The following CCDC141 variants were observed in gnomAD, a reference collection of about 807,000 sequenced individuals.
CCDC141 encodes the protein coiled-coil domain-containing protein 141.
A neutral mutation model predicts 181.0 loss-of-function variants in CCDC141; 168 were observed. The ratio of observed to expected loss-of-function variants is 0.93; its 90% CI spans 0.82 to 1.05. CCDC141 has a LOEUF of 1.05. CCDC141 is among the 50% of genes least tolerant of loss of function. The pLI is 0.00. For missense variants in CCDC141, 1,902 were observed against 1,788.5 expected, an observed-to-expected ratio of 1.06 and a Z score of -1.14; for synonymous variants, 666 against 642.3, an observed-to-expected ratio of 1.04 and a Z score of -0.56.
intron 5 of CCDC141, among the ~76,000 whole-genome samples, chr2:178,950,238 C>T (rs1689897598): frequency 6.6e-6 from 1 of 152,310 alleles, no homozygotes; most frequent in South Asian, 2.1e-4. Context: ...AAAACACACA[C>T]ATATACAGAA....
At chr2:178,934,222 A>C (rs1275539444) in intron 6 of CCDC141, among the ~76,000 whole-genome samples, 1 of 152,192 alleles carries the variant, frequency 6.6e-6, no homozygotes, top group African/African-American at 2.4e-5. Flanking sequence ...AAGCTATAGA[A>C]GTACAGATTG....
intron 2 of CCDC141, among the ~76,000 whole-genome samples, chr2:178,982,375 C>T (rs1320185453): frequency 6.6e-6 from 1 of 152,038 alleles, no homozygotes; most frequent in Non-Finnish European, 1.5e-5. Context: ...GAATAAAATA[C>T]CTAGGAATAC....
chr2:179,049,206 T>C (rs1016356515), intron 1 of CCDC141, among the ~76,000 whole-genome samples: 7 of 152,204 alleles, frequency 4.6e-5, no homozygotes, highest in African/African-American at 1.7e-4. Flanking sequence ...TTGTAAACCC[T>C]AAGTGGCTTC....
At chr2:178,865,245 C>T (rs900980494) in intron 17 of CCDC141, among the ~76,000 whole-genome samples, 1 of 152,160 alleles carries the variant, frequency 6.6e-6, no homozygotes, top group African/African-American at 2.4e-5. Context: ...TGAAACCAGC[C>T]ACTTGACCTC....
intron 16 of CCDC141, among the ~76,000 whole-genome samples, chr2:178,866,430 T>A (rs778674116): frequency 2.5e-4 from 38 of 152,320 alleles, no homozygotes; most frequent in Non-Finnish European, 4.9e-4. Context: ...ACTAATAAAA[T>A]AAACTCTTTA....
intron 2 of CCDC141, among the ~76,000 whole-genome samples, chr2:179,032,723 G>A (rs2043033612): frequency 6.6e-6 from 1 of 152,022 alleles, no homozygotes; most frequent in Admixed American, 6.6e-5. Flanking sequence ...GAGACAGGGT[G>A]GAGGATGATC....
rs1686912177 is a variant in CCDC141, at chr2:178,886,886, A to T, written c.1408-15T>A. 7.4e-7 allele frequency: 1 copy of T among 1,351,186 alleles called. No individual in the cohort carries two copies. Among genetic ancestry groups the T allele is most frequent in the African/African-American group, 1.5e-5 (1 of 65,704 alleles). The allele number at this position is 1,351,186 out of a possible 1,614,324, so 83.7% of individuals were successfully genotyped here. A position where few individuals can be genotyped will look rare whatever the true frequency, so the allele number is the denominator to read the frequency against. ...GACATTTCCACCTTTAGGAGTGAAT[A>T]ATATATGGCAGTCTTAGTAATATAT... On this transcript the variant is annotated splice_polypyrimidine_tract_variant and intron_variant, in intron 9 of 23. Transcript: ENST00000443758.
intron 17 of CCDC141, among the ~76,000 whole-genome samples, chr2:178,862,720 T>A (rs952416020): frequency 6.6e-6 from 1 of 152,242 alleles, no homozygotes; most frequent in Non-Finnish European, 1.5e-5. Flanking sequence ...CAATTTCCTA[T>A]GTCTTCATAT....
At chr2:178,975,789 CTT>C (rs1480424025) in intron 3 of CCDC141, among the ~76,000 whole-genome samples, 1 of 151,942 alleles carries the variant, frequency 6.6e-6, no homozygotes, top group East Asian at 1.9e-4. Context: ...CAAATGGTGA[CTT>C]AATGAGAAGA....
rs868523916 is a variant in CCDC141 at position 178,989,609 on chromosome 2, T to A, written c.226-10934A>T. On this transcript the variant is annotated intron_variant, in intron 2 of 23. Transcript: ENST00000443758. ...ACCCTGCCTCAAAAAAAAAAAAAAA[T>A]AAATAAATAAATAAATAAATAAATA... Among the ~76,000 whole-genome samples the A allele has an allele frequency of 3.7e-3, 473 of 127,238 alleles. 3 individuals are homozygous for A. The highest frequency in any genetic ancestry group is 0.015 in the East Asian group (60 of 3,936). 83.5% of individuals were successfully genotyped at this position (127,238 alleles called of 152,430 possible). A position where few individuals can be genotyped will look rare whatever the true frequency, so the allele number is the denominator to read the frequency against.
chr2:179,019,551 C>T (rs2042636149), intron 2 of CCDC141, among the ~76,000 whole-genome samples: 1 of 152,072 alleles, frequency 6.6e-6, no homozygotes, highest in South Asian at 2.1e-4. Context: ...AAAATCTACT[C>T]ATAAACCGCT....
At chr2:178,939,027 T>A (rs573323163) in intron 6 of CCDC141, among the ~76,000 whole-genome samples, 7 of 152,194 alleles carry the variant, frequency 4.6e-5, no homozygotes, top group Non-Finnish European at 1.0e-4. Flanking sequence ...TTTCTTTTGG[T>A]TCGGTTTGTT....
At chr2:178,971,557 A>C (rs1195058973) in intron 4 of CCDC141, among the ~76,000 whole-genome samples, 3 of 152,218 alleles carry the variant, frequency 2.0e-5, no homozygotes, top group Admixed American at 2.0e-4. Flanking sequence ...TTGGCCCAGC[A>C]ATCCCATTAC....
At chr2:178,894,114 A>G (rs2154371554) in intron 8 of CCDC141, among the ~76,000 whole-genome samples, 1 of 152,354 alleles carries the variant, frequency 6.6e-6, no homozygotes, top group South Asian at 2.1e-4. Flanking sequence ...CCATGGAATT[A>G]AACATGGCAG....
intron 6 of CCDC141, among the ~76,000 whole-genome samples, chr2:178,939,255 T>C (rs2154376657): frequency 6.6e-6 from 1 of 152,298 alleles, no homozygotes; most frequent in Non-Finnish European, 1.5e-5. Context: ...AAGAAAACCT[T>C]CCATAATTTT....
chr2:178,892,184 A>G (rs1466677977), intron 8 of CCDC141, among the ~76,000 whole-genome samples: 1 of 151,892 alleles, frequency 6.6e-6, no homozygotes, highest in East Asian at 1.9e-4. Flanking sequence ...TTTAGCATTT[A>G]TAGTTACGTT....
chr2:179,039,242 G>A (rs569102954), intron 2 of CCDC141, among the ~76,000 whole-genome samples: 17 of 152,214 alleles, frequency 1.1e-4, no homozygotes, highest in South Asian at 4.1e-4. Flanking sequence ...GATCTCTAGC[G>A]TACAGATATT....
rs182893805 is a variant in CCDC141, at chr2:179,006,293, A to T, written c.226-27618T>A. Among the ~76,000 whole-genome samples the T allele has an allele frequency of 4.0e-4, 61 of 152,360 alleles. 1 individual carries two copies. The highest frequency in any genetic ancestry group is 1.2e-3 in the Admixed American group (18 of 15,310). On this transcript the variant is annotated intron_variant, in intron 2 of 23. Coordinates refer to ENST00000443758, the MANE Select transcript of CCDC141 (RefSeq NM_173648.4). Reference sequence around the variant, plus strand: ...GGGGTGGGGAGGAGAAAAAGAAATTAAGCAAACTGTGAATGTCCCTTTGTT... The same window carrying T: ...GGGGTGGGGAGGAGAAAAAGAAATTTAGCAAACTGTGAATGTCCCTTTGTT...
At chr2:178,955,262 G>A (rs958488581) in intron 5 of CCDC141, among the ~76,000 whole-genome samples, 2 of 152,098 alleles carry the variant, frequency 1.3e-5, no homozygotes, top group Non-Finnish European at 2.9e-5. Context: ...TCCAGCCTGG[G>A]TGACAGAGCG....
Sources: allele counts gnomAD v4.1 joint callset (sites outside exome capture counted in the v4.1 genomes callset), GRCh38; gene constraint gnomAD v4.1.1; transcripts MANE v1.5; gene names NCBI Gene and HGNC (gene_info 2026-07-23, HGNC 2026-07-21).